The following AHRR variants were observed in gnomAD, a reference collection of about 807,000 sequenced individuals.
AHRR encodes ahR repressor.
Under a neutral mutation model 44.0 loss-of-function variants are expected in AHRR, and 28 were observed. The ratio of observed to expected loss-of-function variants is 0.64; its 90% CI spans 0.47 to 0.87. The LOEUF (loss-of-function observed/expected upper bound fraction) is 0.87, where lower values mean the gene tolerates loss of function less well. Ranked by LOEUF, AHRR falls within the 40% of genes least tolerant of loss-of-function variation. The pLI is 0.00. For missense variants in AHRR, 990 were observed against 953.9 expected, an observed-to-expected ratio of 1.04 and a Z score of -0.50; for synonymous variants, 434 against 407.0, an observed-to-expected ratio of 1.07 and a Z score of -0.80.
intron 5 of AHRR, among the ~76,000 whole-genome samples, chr5:420,338 C>A (rs1248038470): frequency 6.6e-6 from 1 of 152,218 alleles, no homozygotes; most frequent in Non-Finnish European, 1.5e-5. Context: ...CGAAGACAAT[C>A]CCCTGGCAAC....
intron 1 of AHRR, among the ~76,000 whole-genome samples, chr5:340,686 ATATTTTT>A (rs1742308347): frequency 1.0e-4 from 2 of 19,496 alleles, no homozygotes; most frequent in African/African-American, 3.4e-4. Context: ...ATATATATAT[ATATTTTT>A]TTTTTTTTTT....
chr5:369,856 G>A (rs889105295), intron 3 of AHRR, among the ~76,000 whole-genome samples: 1 of 152,220 alleles, frequency 6.6e-6, no homozygotes, highest in Non-Finnish European at 1.5e-5. Context: ...AGGCAAAACG[G>A]TTTCTCATCC....
chr5:389,901 TG>T (rs1233555000), intron 4 of AHRR, among the ~76,000 whole-genome samples: 1 of 46,016 alleles, frequency 2.2e-5, no homozygotes. Flanking sequence ...AAGGAAAGGG[TG>T]GGGGGAGGGG....
At chr5:399,561 G>T (rs529690405) in intron 4 of AHRR, among the ~76,000 whole-genome samples, 4 of 152,202 alleles carry the variant, frequency 2.6e-5, no homozygotes, top group African/African-American at 9.7e-5. Context: ...GCTGCTCACC[G>T]CCGCCCTCAC....
At chr5:391,372 ATGGGCGCAGGG>A (rs1734427903) in intron 4 of AHRR, among the ~76,000 whole-genome samples, 1 of 109,988 alleles carries the variant, frequency 9.1e-6, no homozygotes, top group African/African-American at 5.3e-5. Context: ...CAGAGCGTGC[ATGGGCGCAGGG>A]CGAGGAGGGC....
chr5:428,261 G>A (rs2126542920), intron 8 of AHRR, among the ~76,000 whole-genome samples: 1 of 152,372 alleles, frequency 6.6e-6, no homozygotes, highest in Non-Finnish European at 1.5e-5. Flanking sequence ...TACAGAACCA[G>A]TTTCAGAATA....
At chr5:425,713 G>T (rs1237577525) in intron 7 of AHRR, among the ~76,000 whole-genome samples, 1 of 152,204 alleles carries the variant, frequency 6.6e-6, no homozygotes, top group African/African-American at 2.4e-5. Context: ...GTCAAACAAA[G>T]AACTGAATGG....
chr5:412,709 C>T (rs1191679206), intron 4 of AHRR, among the ~76,000 whole-genome samples: 3 of 141,194 alleles, frequency 2.1e-5, no homozygotes. Context: ...ATTTTTCTCT[C>T]TCTCTCTTTT....
chr5:340,980 G>C (rs887033439), intron 1 of AHRR, among the ~76,000 whole-genome samples: 6 of 143,302 alleles, frequency 4.2e-5, no homozygotes, highest in Non-Finnish European at 6.1e-5. Flanking sequence ...TTATAGGCAT[G>C]AGCCACTGCA....
At chr5:421,138 A>G (rs1736091625) in intron 5 of AHRR, 4 of 562,564 alleles carry the variant, frequency 7.1e-6, no homozygotes, top group Non-Finnish European at 1.3e-5. Flanking sequence ...CTTAACTGGA[A>G]GAGGAGCCGC....
chr5:363,617 C>T (rs1743255961), intron 3 of AHRR, among the ~76,000 whole-genome samples: 3 of 152,192 alleles, frequency 2.0e-5, no homozygotes, highest in Non-Finnish European at 2.9e-5. Flanking sequence ...CTGGGAGCTC[C>T]AGGAGTCAAC....
At chr5:349,802 T>C (rs1186868736) in intron 2 of AHRR, among the ~76,000 whole-genome samples, 1 of 152,168 alleles carries the variant, frequency 6.6e-6, no homozygotes, top group East Asian at 1.9e-4. Context: ...TGCATGAGGG[T>C]AGAGCTGGTG....
In AHRR at chr5:326,076, G is replaced by T. The variant is rs1309832950; in HGVS notation, c.-11+4257G>T. Among the ~76,000 whole-genome samples, 1 of 152,186 alleles carries T rather than the reference G, an allele frequency of 6.6e-6. No homozygotes were observed. ...GGGATTACAGGCGTGAGCCACTGCG[G>T]CCGGCCTCTTTGTATTTTCTCGTTG... On this transcript the variant is annotated intron_variant, in intron 1 of 10. Transcript: ENST00000684583. This position sits in a 1 kb window ranked among gnomAD's most constrained non-coding sequence, Gnocchi z 4.1.
intron 1 of AHRR, among the ~76,000 whole-genome samples, chr5:328,255 ATTTTTTTTTTTTTTTTTT>A (rs70955232): frequency 1.8e-5 from 1 of 54,254 alleles, no homozygotes; most frequent in Non-Finnish European, 3.4e-5. Flanking sequence ...CCAACATCTG[ATTTTTTTTTTTTTTTTTT>A]TTTTTTTTTT....
chr5:340,257 C>T (rs1279818256), intron 1 of AHRR, among the ~76,000 whole-genome samples: 1 of 152,110 alleles, frequency 6.6e-6, no homozygotes, highest in Non-Finnish European at 1.5e-5. Context: ...AGGAATTCCT[C>T]TATTTCATCT....
chr5:376,717 G>A lies in AHRR; in HGVS notation c.351+1G>A. On this transcript the variant is annotated splice_donor_variant, in intron 4 of 10. Transcript: ENST00000684583. LOFTEE classifies it high-confidence loss of function. ...GCTGGAGGGAAGGCTGCTGTTGGAGGTGAGTGCCACCCTTGGTACCTCGAA... is the reference window on the plus strand; with the variant it reads ...GCTGGAGGGAAGGCTGCTGTTGGAGATGAGTGCCACCCTTGGTACCTCGAA... 1.2e-6 allele frequency: 2 copies of A among 1,604,454 alleles called. No homozygotes were observed. Among genetic ancestry groups the A allele is most frequent in the South Asian group, 1.1e-5 (1 of 89,106 alleles).
chr5:391,424 GGGGC>G (rs1734442081), intron 4 of AHRR, among the ~76,000 whole-genome samples: 15 of 118,454 alleles, frequency 1.3e-4, no homozygotes, highest in African/African-American at 6.0e-4. Context: ...AGCGTGCACG[GGGGC>G]AGGGCGAGGC....
intron 3 of AHRR, 108 bp from the exon 4 acceptor site, chr5:376,502 G>GCT (rs1733653380): frequency 5.2e-5 from 3 of 57,610 alleles, no homozygotes; most frequent in East Asian, 2.9e-4. Context: ...CCAGATGTCA[G>GCT]GTGAGAACCG....
intron 3 of AHRR, among the ~76,000 whole-genome samples, chr5:372,197 G>A (rs552068568): frequency 2.3e-4 from 35 of 151,962 alleles, no homozygotes; most frequent in African/African-American, 8.4e-4. Context: ...GGGTGGGCTG[G>A]CGGGGCCACC....
Sources: allele counts gnomAD v4.1 joint callset (sites outside exome capture counted in the v4.1 genomes callset), GRCh38; gene constraint gnomAD v4.1.1; non-coding constraint Gnocchi (gnomAD v3.1); transcripts MANE v1.5; gene names NCBI Gene and HGNC (gene_info 2026-07-23, HGNC 2026-07-21).